Variants in PRLR observed in about 807,000 individuals in gnomAD.
The protein encoded by PRLR is hPRL receptor.
A neutral mutation model predicts 40.2 loss-of-function variants in PRLR; 13 were observed. The observed-to-expected ratio is 0.32, with a 90% CI of 0.21 to 0.51. The LOEUF is 0.51. Among genes scored for constraint, PRLR ranks in the 20% least tolerant of loss-of-function variants. The pLI is 0.97. For synonymous variants in PRLR, 269 were observed against 278.7 expected (o/e 0.97, Z 0.35); for missense variants, 656 against 747.3 (o/e 0.88, Z 1.42).
chr5:35,055,726 T>C lies in PRLR; in HGVS notation c.*9363A>G, dbSNP rs1159260755. The C allele has an allele frequency of 6.6e-6, 1 of 152,204 alleles. No homozygotes were observed. The highest frequency in any genetic ancestry group is 2.4e-5 in the African/African-American group (1 of 41,452). The allele number at this position is 152,204 out of a possible 1,614,324, so 9.4% of individuals were successfully genotyped here. On this transcript the variant is annotated 3_prime_UTR_variant, in exon 10 of 10. Transcript: ENST00000618457. ...ATTGCTCAGGTAATAATTTATTAAG[T>C]CAATTTAAACTAAACATTACTACCA...
Position 35,150,034 on chromosome 5 carries a change from G to A in PRLR, c.-105-31912C>T, listed in dbSNP as rs1774295896. On this transcript the variant is annotated intron_variant, in intron 1 of 9. Transcript: ENST00000618457. ...TGAGTAGCTGGGATTACAGGCATGC[G>A]CCACGACGCCCAGCTAATTTTGTAT... Among the ~76,000 whole-genome samples, 2 of 152,134 alleles carry A rather than the reference G, an allele frequency of 1.3e-5. 1 individual carries two copies. Among genetic ancestry groups the A allele is most frequent in the South Asian group, 4.2e-4 (2 of 4,806 alleles).
At chr5:35,199,951 T>C (rs999282069) in intron 1 of PRLR, among the ~76,000 whole-genome samples, 1 of 152,224 alleles carries the variant, frequency 6.6e-6, no homozygotes, top group Admixed American at 6.5e-5. Flanking sequence ...ATCTCAATCT[T>C]GTCCCCTCCA....
intron 1 of PRLR, among the ~76,000 whole-genome samples, chr5:35,163,795 C>G (rs1464962803): frequency 6.6e-6 from 1 of 152,170 alleles, no homozygotes; most frequent in Non-Finnish European, 1.5e-5. Flanking sequence ...CTTTCTCTGG[C>G]CCTAGCATTC....
chr5:35,119,386 T>TCACACACA (rs58727265), intron 1 of PRLR, among the ~76,000 whole-genome samples: 36 of 145,656 alleles, frequency 2.5e-4, no homozygotes, highest in African/African-American at 5.6e-4. Flanking sequence ...TCTCTCTCTC[T>TCACACACA]CACACACACA....
At chr5:35,224,429 C>T (rs1019916114) in intron 1 of PRLR, among the ~76,000 whole-genome samples, 21 of 152,192 alleles carry the variant, frequency 1.4e-4, no homozygotes, top group African/African-American at 4.8e-4. Context: ...ACTCAGTCTA[C>T]CAGTGACAGA....
intron 1 of PRLR, among the ~76,000 whole-genome samples, chr5:35,227,507 C>T (rs1776582177): frequency 6.6e-6 from 1 of 152,184 alleles, no homozygotes; most frequent in African/African-American, 2.4e-5. Context: ...TTAATTGAGG[C>T]AATGTGTGAA....
At chr5:35,075,754 G>A (rs1770047817) in intron 5 of PRLR, among the ~76,000 whole-genome samples, 2 of 152,222 alleles carry the variant, frequency 1.3e-5, no homozygotes, top group Non-Finnish European at 2.9e-5. Context: ...GTGGGTCCCT[G>A]ACCCCCGAGT....
Position 35,116,154 on chromosome 5 carries a change from C to T in PRLR, c.-44+1907G>A, listed in dbSNP as rs558977409. On this transcript the variant is annotated intron_variant, in intron 2 of 9. Coordinates refer to ENST00000618457, the MANE Select transcript of PRLR (RefSeq NM_000949.7). The stretch of plus-strand genomic sequence containing the variant: ...GGTGCAGGGGTCAGGGAAGATCAAT[C>T]AGAGGAATAAAAGGTCCATGAGGTG... Among the ~76,000 whole-genome samples, 10 of 152,104 alleles carry T rather than the reference C, an allele frequency of 6.6e-5. 1 individual carries two copies. The highest frequency in any genetic ancestry group is 2.4e-4 in the African/African-American group (10 of 41,492).
chr5:35,151,427 G>A (rs759812865), intron 1 of PRLR, among the ~76,000 whole-genome samples: 1 of 152,010 alleles, frequency 6.6e-6, no homozygotes, highest in African/African-American at 2.4e-5. Flanking sequence ...CATGGAGGAG[G>A]GTATATTTCA....
chr5:35,077,038 G>A (rs1770150771), intron 5 of PRLR, among the ~76,000 whole-genome samples: 1 of 152,184 alleles, frequency 6.6e-6, no homozygotes, highest in South Asian at 2.1e-4. Context: ...AAGAGCTCCT[G>A]AAGGAAGCAC....
rs369371770 is a variant in PRLR at position 35,156,139 on chromosome 5, AC to A, written c.-105-38018del. On this transcript the variant is annotated intron_variant, in intron 1 of 9. Coordinates refer to ENST00000618457, the MANE Select transcript of PRLR (RefSeq NM_000949.7). The stretch of plus-strand genomic sequence containing the variant: ...CAGTTGCTCAAGATAAAAAAAAAAA[AC>A]AAAAAAAAAAACAAAACCAACTTTG... 2.0e-4 allele frequency among the ~76,000 whole-genome samples: 28 copies of A among 141,272 alleles called. 1 individual carries two copies. The highest frequency in any genetic ancestry group is 5.4e-4 in the African/African-American group (21 of 38,700). 92.7% of individuals were successfully genotyped at this position (141,272 alleles called of 152,430 possible).
intron 2 of PRLR, among the ~76,000 whole-genome samples, chr5:35,092,821 T>C (rs1044685190): frequency 1.3e-5 from 2 of 152,198 alleles, no homozygotes; most frequent in African/African-American, 4.8e-5. Context: ...AAGTGGTGGA[T>C]CTGAAGAGCA....
intron 2 of PRLR, among the ~76,000 whole-genome samples, chr5:35,106,074 A>T (rs1772227423): frequency 6.6e-6 from 1 of 152,228 alleles, no homozygotes; most frequent in Non-Finnish European, 1.5e-5. Flanking sequence ...CCAATATTCA[A>T]CATTCTTAAA....
intron 1 of PRLR, among the ~76,000 whole-genome samples, chr5:35,184,642 G>C (rs2111987290): frequency 6.6e-6 from 1 of 152,338 alleles, no homozygotes; most frequent in South Asian, 2.1e-4. Context: ...ACCCTCGCCT[G>C]TTGTGTCTAC....
chr5:35,227,972 T>C (rs1225807809), intron 1 of PRLR, among the ~76,000 whole-genome samples: 1 of 152,154 alleles, frequency 6.6e-6, no homozygotes, highest in East Asian at 1.9e-4. Context: ...AGTGCTCTCC[T>C]TGACACTGCA....
At chr5:35,195,483 A>T (rs1775711830) in intron 1 of PRLR, 1 of 152,312 alleles carries the variant, frequency 6.6e-6, no homozygotes, top group South Asian at 2.1e-4. Flanking sequence ...CCAATCACAG[A>T]TGAGAAAGAT....
At chr5:35,084,813 G>A (rs777869835) in intron 4 of PRLR, among the ~76,000 whole-genome samples, 174 bp from the exon 5 acceptor site, 5 of 152,218 alleles carry the variant, frequency 3.3e-5, no homozygotes, top group Admixed American at 3.3e-4. Context: ...CTGGGAGTGA[G>A]AGAGGGAAGA....
intron 1 of PRLR, among the ~76,000 whole-genome samples, chr5:35,140,309 ATAC>A (rs1343151906): frequency 2.6e-4 from 39 of 152,218 alleles, no homozygotes; most frequent in Admixed American, 2.4e-3. Context: ...ACTGCAGGCA[ATAC>A]TTTTTCTAGT....
chr5:35,065,169 CA>C lies in PRLR; in HGVS notation c.1788del (p.Ala597GlnfsTer36), dbSNP rs771108242. 1 of 1,614,192 alleles carries C rather than the reference CA, an allele frequency of 6.2e-7. No homozygotes were observed. Among genetic ancestry groups the C allele is most frequent in the Non-Finnish European group, 8.5e-7 (1 of 1,180,030 alleles). ...NQAEKALANF[T>X]ATSSKCRLQL... The stretch of plus-strand genomic sequence containing the variant: ...TGGAGCCTGCACTTGCTTGATGTTG[CA>C]GTGAAGTTGGCCAGGGCTTTCTCAG... On this transcript the variant is annotated frameshift_variant, in exon 10 of 10. Coordinates refer to ENST00000618457, the MANE Select transcript of PRLR (RefSeq NM_000949.7). LOFTEE classifies it low-confidence loss of function (END_TRUNC).
Sources: gnomAD v4.1 joint callset for allele counts (sites outside exome capture counted in the v4.1 genomes callset) on GRCh38, gnomAD v4.1.1 for gene constraint, MANE v1.5 for transcripts, NCBI Gene and HGNC (gene_info 2026-07-23, HGNC 2026-07-21) for gene names.